The following RTL9 variants were observed in gnomAD, a reference collection of about 807,000 sequenced individuals.
The protein encoded by RTL9 is retrotransposon Gag like 9.
RTL9 carries 19 observed loss-of-function variants against 44.7 expected under a neutral mutation model. The observed-to-expected ratio is 0.42, with a 90% CI of 0.30 to 0.62. RTL9 has a LOEUF of 0.62. RTL9 is among the 20% of genes least tolerant of loss of function. The pLI is 0.16. For synonymous variants in RTL9, 407 were observed against 398.9 expected (o/e 1.02, Z -0.24); for missense variants, 1,105 against 1,080.6 (o/e 1.02, Z -0.32).
exon 1 of RTL9, chrX:110,453,977 A>G (rs151225016): frequency 8.3e-7 from 1 of 1,211,860 alleles, no homozygotes; most frequent in Non-Finnish European, 1.1e-6. Context: ...CAAAGCCCAC[A>G]TCGCACATGA....
chrX:110,396,102 G>T (rs187112063), intron 1 of RTL9, among the ~76,000 whole-genome samples: 13 of 111,319 alleles, frequency 1.2e-4, no homozygotes, highest in Admixed American at 7.6e-4. Flanking sequence ...TTTGTGCCCT[G>T]TCCACCCACC....
intron 1 of RTL9, among the ~76,000 whole-genome samples, chrX:110,366,571 A>G (rs932509567): frequency 1.8e-5 from 2 of 111,624 alleles, no homozygotes; most frequent in Middle Eastern, 4.2e-3. Flanking sequence ...ACTGTCCCTC[A>G]GCCCCCTAGT....
chrX:110,439,887 T>G (rs1352104026), intron 1 of RTL9: 1 of 110,345 alleles, frequency 9.1e-6, no homozygotes, highest in Non-Finnish European at 1.9e-5. Flanking sequence ...GCCGGGTACT[T>G]ACAGGTGCAG....
chrX:110,364,974 G>A (rs936423348), intron 1 of RTL9, among the ~76,000 whole-genome samples: 2 of 111,896 alleles, frequency 1.8e-5, no homozygotes, highest in African/African-American at 6.5e-5. Flanking sequence ...ATTAAGACAA[G>A]GATTCTGTAG....
At chrX:110,445,759 A>G (rs900321466), upstream of RTL9, among the ~76,000 whole-genome samples, 2 of 111,772 alleles carry the variant, frequency 1.8e-5, no homozygotes, top group Non-Finnish European at 3.8e-5. Flanking sequence ...CCTAAACTCA[A>G]TTACCTTTTG....
chrX:110,446,414 C>CG (rs368525148), upstream of RTL9, among the ~76,000 whole-genome samples: 18 of 109,304 alleles, frequency 1.6e-4, no homozygotes, highest in African/African-American at 3.0e-4. Flanking sequence ...TTGCTTGGGT[C>CG]GGGGGGTGGA....
chrX:110,393,999 AT>A (rs749569606), intron 1 of RTL9, among the ~76,000 whole-genome samples: 1 of 112,544 alleles, frequency 8.9e-6, no homozygotes, highest in Non-Finnish European at 1.9e-5. Context: ...CGCTTTTGTG[AT>A]TCTTCTGGAA....
intron 1 of RTL9, among the ~76,000 whole-genome samples, chrX:110,382,783 C>T (rs2148276593): frequency 8.9e-6 from 1 of 112,146 alleles, no homozygotes; most frequent in East Asian, 2.8e-4. Flanking sequence ...CCCATTTCCA[C>T]TCACGGGGCC....
At chrX:110,437,301 G>A (rs1461389012) in intron 1 of RTL9, among the ~76,000 whole-genome samples, 1 of 112,281 alleles carries the variant, frequency 8.9e-6, no homozygotes, top group Non-Finnish European at 1.9e-5. Context: ...CAGAGAGCCA[G>A]GAGTGTTAAT....
At chrX:110,430,642 G>C (rs2068789682) in intron 1 of RTL9, among the ~76,000 whole-genome samples, 1 of 112,070 alleles carries the variant, frequency 8.9e-6, no homozygotes, top group Non-Finnish European at 1.9e-5. Context: ...TCCACACCAG[G>C]CATGAAAAGG....
At chrX:110,366,943 A>AT (rs2068301300) in intron 1 of RTL9, among the ~76,000 whole-genome samples, 1 of 110,874 alleles carries the variant, frequency 9.0e-6, no homozygotes, top group Non-Finnish European at 1.9e-5. Flanking sequence ...TTGTTTCTAC[A>AT]TTTTCCCTTT....
chrX:110,377,552 C>T (rs1160166587), intron 1 of RTL9, among the ~76,000 whole-genome samples: 1 of 111,898 alleles, frequency 8.9e-6, no homozygotes. Flanking sequence ...GTACTATTCC[C>T]CGCCCATGTC....
exon 2 of RTL9, chrX:110,445,226 G>C (rs1166953379): frequency 8.9e-6 from 1 of 112,452 alleles, no homozygotes; most frequent in Admixed American, 9.4e-5. Flanking sequence ...ACAGACCCGA[G>C]TGACAAGCCC....
At chrX:110,412,304 A>G (rs1464101114) in intron 1 of RTL9, among the ~76,000 whole-genome samples, 1 of 112,567 alleles carries the variant, frequency 8.9e-6, no homozygotes, top group African/African-American at 3.2e-5. Context: ...CTCCATGTAT[A>G]AGGATGTTCA....
chrX:110,454,142 A>G (rs1569435270), exon 1 of RTL9: 3 of 1,210,254 alleles, frequency 2.5e-6, no homozygotes, highest in Non-Finnish European at 3.4e-6. Context: ...AGGAGAAGCA[A>G]ATGAAGGGGT....
At chrX:110,424,623 AC>A (rs2068741201) in intron 1 of RTL9, among the ~76,000 whole-genome samples, 2 of 112,251 alleles carry the variant, frequency 1.8e-5, no homozygotes, top group South Asian at 7.4e-4. Flanking sequence ...TGTTCATAAG[AC>A]CTTCCAGGCA....
At chrX:110,368,452 A>C (rs2068313530) in intron 1 of RTL9, among the ~76,000 whole-genome samples, 1 of 111,515 alleles carries the variant, frequency 9.0e-6, no homozygotes, top group African/African-American at 3.3e-5. Flanking sequence ...CATACCAAGA[A>C]AACTCCCAGA....
chrX:110,364,219 C>A (rs964860493), intron 1 of RTL9, among the ~76,000 whole-genome samples: 7 of 111,699 alleles, frequency 6.3e-5, no homozygotes, highest in African/African-American at 2.0e-4. Flanking sequence ...TGTCTCTGTG[C>A]CCTGTCACTT....
chrX:110,432,184 G>A (rs1255899926), intron 1 of RTL9, among the ~76,000 whole-genome samples: 4 of 112,213 alleles, frequency 3.6e-5, no homozygotes, highest in South Asian at 3.7e-4. Flanking sequence ...GCCTAGGCTC[G>A]CTCTTGCCAG....
Sources: gnomAD v4.1 joint callset for allele counts (sites outside exome capture counted in the v4.1 genomes callset) on GRCh38, gnomAD v4.1.1 for gene constraint, MANE v1.5 for transcripts, NCBI Gene and HGNC (gene_info 2026-07-23, HGNC 2026-07-21) for gene names.